The following EDARADD variants were observed in gnomAD, a reference collection of about 807,000 sequenced individuals.
EDARADD encodes the protein EDAR associated via death domain, also known as ectodysplasin-A receptor-associated adapter protein.
In EDARADD, 20 loss-of-function variants were observed where a neutral mutation model predicts 25.6. The ratio of observed to expected loss-of-function variants is 0.78; its 90% CI spans 0.55 to 1.14. The LOEUF (loss-of-function observed/expected upper bound fraction) is 1.14. EDARADD is among the 50% of genes most tolerant of loss of function. EDARADD has a pLI of 0.00. For synonymous variants in EDARADD, 86 were observed against 94.4 expected (o/e 0.91, Z 0.52); for missense variants, 225 against 270.1 (o/e 0.83, Z 1.17).
intron 3 of EDARADD, among the ~76,000 whole-genome samples, chr1:236,383,424 G>A (rs925467335): frequency 3.3e-5 from 5 of 151,250 alleles, no homozygotes; most frequent in Middle Eastern, 3.2e-3. Context: ...GCAGTAAGCT[G>A]AGTGCAATCA....
intron 3 of EDARADD, among the ~76,000 whole-genome samples, chr1:236,374,658 C>T (rs1210923977): frequency 6.6e-6 from 1 of 152,004 alleles, no homozygotes; most frequent in African/African-American, 2.4e-5. Context: ...TTATGTAATA[C>T]CCCTCTTTAG....
At chr1:236,407,760 A>G (rs1667763879) in intron 1 of EDARADD, among the ~76,000 whole-genome samples, 1 of 152,198 alleles carries the variant, frequency 6.6e-6, no homozygotes, top group African/African-American at 2.4e-5. Flanking sequence ...TCTCTGGCAG[A>G]TGTCTTATAA....
chr1:236,420,349 G>C (rs751711840), intron 3 of EDARADD, among the ~76,000 whole-genome samples: 10 of 152,286 alleles, frequency 6.6e-5, no homozygotes, highest in African/African-American at 1.7e-4. Context: ...TAAAATTTCT[G>C]TTATAATATA....
At chr1:236,404,439 A>C (rs1326419757) in intron 1 of EDARADD, among the ~76,000 whole-genome samples, 1 of 152,178 alleles carries the variant, frequency 6.6e-6, no homozygotes, top group Non-Finnish European at 1.5e-5. Context: ...GAGAAGGTGC[A>C]GTTTCAGATA....
chr1:236,372,200 C>T (rs1009801215), intron 3 of EDARADD, among the ~76,000 whole-genome samples: 29 of 152,148 alleles, frequency 1.9e-4, no homozygotes, highest in African/African-American at 6.5e-4. Flanking sequence ...AGGTGGTCCA[C>T]CAGCCTTGGC....
chr1:236,421,655 G>T (rs1390332710), intron 3 of EDARADD, among the ~76,000 whole-genome samples: 1 of 151,708 alleles, frequency 6.6e-6, no homozygotes, highest in Non-Finnish European at 1.5e-5. Flanking sequence ...CCGCCACCAC[G>T]CCTGGCTAAG....
chr1:236,386,128 C>T lies in EDARADD; in HGVS notation c.-5-23088C>T. ...CGGGGTTTCGCTGTGTTGACCGGGC[C>T]GGTCTCCAGCCCCTAACCGCGAGTG... On this transcript the variant is annotated intron_variant, in intron 3 of 7. Transcript: ENST00000439430. 5.9e-5 allele frequency among the ~76,000 whole-genome samples: 2 copies of T among 34,038 alleles called. 1 individual carries two copies. The highest frequency in any genetic ancestry group is 1.4e-4 in the Non-Finnish European group (2 of 14,532). 22.3% of individuals were successfully genotyped at this position (34,038 alleles called of 152,430 possible). A position where few individuals can be genotyped will look rare whatever the true frequency, so the allele number is the denominator to read the frequency against.
In EDARADD at chr1:236,427,456, A is replaced by C. The variant is rs767943991; in HGVS notation, c.219+6A>C. 6.2e-7 allele frequency: 1 copy of C among 1,610,966 alleles called. No homozygotes were observed. Among genetic ancestry groups the C allele is most frequent in the South Asian group, 1.1e-5 (1 of 89,862 alleles). ...ATTCAGATATGAAAAATCAGGTAAG[A>C]ATAATTTCAACTATATTTTACCCTT... On this transcript the variant is annotated splice_donor_region_variant and intron_variant, in intron 4 of 5. Transcript: ENST00000334232.
chr1:236,416,053 T>C (rs597701), intron 3 of EDARADD, among the ~76,000 whole-genome samples: 100,075 of 151,966 alleles, frequency 0.66, 33,366 homozygotes, highest in Non-Finnish European at 0.7. Flanking sequence ...CCCCTACTAT[T>C]CCAGACCCTT....
At chr1:236,362,999 A>AT in intron 3 of EDARADD, among the ~76,000 whole-genome samples, 2 of 96,852 alleles carry the variant, frequency 2.1e-5, no homozygotes, top group African/African-American at 4.2e-5. Flanking sequence ...AAAAAAAAAA[A>AT]AAAAAAAATA....
At chr1:236,374,759 ATC>A (rs1227092803) in intron 3 of EDARADD, among the ~76,000 whole-genome samples, 1 of 151,772 alleles carries the variant, frequency 6.6e-6, no homozygotes, top group East Asian at 1.9e-4. Context: ...CATGGTATGT[ATC>A]TCTCTAATTT....
intron 5 of EDARADD, among the ~76,000 whole-genome samples, chr1:236,477,445 T>C (rs1659541213): frequency 6.6e-6 from 1 of 152,138 alleles, no homozygotes; most frequent in South Asian, 2.1e-4. Context: ...CTATCTGTTC[T>C]CAGGATTTTA....
chr1:236,426,414 G>A (rs1657920332), intron 3 of EDARADD, among the ~76,000 whole-genome samples: 1 of 152,196 alleles, frequency 6.6e-6, no homozygotes, highest in Non-Finnish European at 1.5e-5. Flanking sequence ...GCCCAGGGGA[G>A]GAGGACACTG....
chr1:236,470,356 T>A (rs1447120347), intron 5 of EDARADD, among the ~76,000 whole-genome samples: 1 of 152,234 alleles, frequency 6.6e-6, no homozygotes, highest in Non-Finnish European at 1.5e-5. Flanking sequence ...CAAGCACATA[T>A]TTATTTTCTA....
At chr1:236,405,828 T>TCCTTC (rs1667712923) in intron 1 of EDARADD, among the ~76,000 whole-genome samples, 21 of 29,004 alleles carry the variant, frequency 7.2e-4, no homozygotes, top group East Asian at 2.6e-3. Context: ...TTCCTTTCCT[T>TCCTTC]CCTTCCTTCC....
In EDARADD at chr1:236,394,303, A is replaced by T; in HGVS notation, c.-142A>T. On this transcript the variant is annotated 5_prime_UTR_variant, in exon 1 of 6. Coordinates refer to ENST00000334232, the MANE Select transcript of EDARADD (RefSeq NM_145861.4). The stretch of plus-strand genomic sequence containing the variant: ...CCGAAGGCAGACCAAGAGGAAGTTT[A>T]TCCTCCCACCTACAAATTCCCCAGA... The T allele has an allele frequency of 1.1e-6, 1 of 885,090 alleles. No homozygotes were observed. The allele number at this position is 885,090 out of a possible 1,614,324, so 54.8% of individuals were successfully genotyped here.
intron 3 of EDARADD, among the ~76,000 whole-genome samples, chr1:236,371,845 T>A (rs1410980581): frequency 6.6e-6 from 1 of 152,000 alleles, no homozygotes; most frequent in African/African-American, 2.4e-5. Flanking sequence ...GTGCTGGGAT[T>A]ACAGGCATGA....
intron 1 of EDARADD, among the ~76,000 whole-genome samples, chr1:236,396,588 G>C (rs534066540): frequency 6.6e-6 from 1 of 152,252 alleles, no homozygotes; most frequent in East Asian, 1.9e-4. Context: ...GCAGTCAAAA[G>C]GAGACAGTGT....
intron 3 of EDARADD, among the ~76,000 whole-genome samples, chr1:236,379,585 C>G (rs927771294): frequency 6.6e-5 from 10 of 152,006 alleles, no homozygotes; most frequent in African/African-American, 2.4e-4. Flanking sequence ...TCGACACCAG[C>G]CTGGCCAACA....
Sources: gnomAD v4.1 joint callset for allele counts (sites outside exome capture counted in the v4.1 genomes callset) on GRCh38, gnomAD v4.1.1 for gene constraint, MANE v1.5 for transcripts, NCBI Gene and HGNC (gene_info 2026-07-23, HGNC 2026-07-21) for gene names.